CAST: variants seen among roughly 807,000 people sequenced by gnomAD.
CAST encodes calpastatin.
Under a neutral mutation model 119.6 loss-of-function variants are expected in CAST, and 76 were observed. The ratio of observed to expected loss-of-function variants is 0.64; its 90% CI spans 0.53 to 0.77. The LOEUF is 0.77. Among genes scored for constraint, CAST ranks in the 30% least tolerant of loss-of-function variants. The probability of loss-of-function intolerance (pLI) is 0.00; values close to 1 mark genes in which losing one functional copy is unlikely to be tolerated. For synonymous variants in CAST, 319 were observed against 331.6 expected (o/e 0.96, Z 0.41); for missense variants, 953 against 946.5 (o/e 1.01, Z -0.09).
At chr5:96,051,016 A>G in the CAST span, among the ~76,000 whole-genome samples, 1 of 152,248 alleles carries the variant, frequency 6.6e-6, no homozygotes, top group Non-Finnish European at 1.5e-5. Context: ...TTACACAGGT[A>G]TTACAAACAC....
chr5:96,303,931 G>T, the CAST span, among the ~76,000 whole-genome samples: 1 of 152,148 alleles, frequency 6.6e-6, no homozygotes, highest in Non-Finnish European at 1.5e-5. Context: ...AGTCTTTATA[G>T]TAGAATGATT....
the CAST span, among the ~76,000 whole-genome samples, chr5:96,022,108 G>A: frequency 5.9e-5 from 9 of 152,166 alleles, no homozygotes; most frequent in Non-Finnish European, 1.2e-4. Context: ...ACATATGGGA[G>A]GATGTACATA....
chr5:96,622,075 T>C (rs1477816359), intron 1 of CAST, among the ~76,000 whole-genome samples: 1 of 148,288 alleles, frequency 6.7e-6, no homozygotes, highest in Non-Finnish European at 1.5e-5. Flanking sequence ...GTTCAAGGGA[T>C]TCTTCTGCCT....
At chr5:96,492,133 T>A in the CAST span, among the ~76,000 whole-genome samples, 1 of 152,262 alleles carries the variant, frequency 6.6e-6, no homozygotes, top group Non-Finnish European at 1.5e-5. Context: ...TCTTTATGTA[T>A]GCATGCATGC....
the CAST span, among the ~76,000 whole-genome samples, chr5:96,436,471 T>G: frequency 6.6e-6 from 1 of 152,226 alleles, no homozygotes; most frequent in African/African-American, 2.4e-5. Context: ...ATCTGAAGTT[T>G]TATGCTTAAA....
the CAST span, among the ~76,000 whole-genome samples, chr5:96,154,495 T>A: frequency 2.0e-5 from 3 of 152,204 alleles, no homozygotes; most frequent in Admixed American, 6.5e-5. Flanking sequence ...ATTACTATGG[T>A]ACATTGGTCA....
intron 6 of CAST, chr5:96,728,680 T>G (rs1243784828): frequency 6.5e-6 from 1 of 153,086 alleles, no homozygotes; most frequent in East Asian, 1.9e-4. Context: ...GGTTTCACTG[T>G]GTTAGCCAGG....
chr5:96,618,784 C>T (rs748212714), intron 1 of CAST, among the ~76,000 whole-genome samples: 2 of 152,218 alleles, frequency 1.3e-5, no homozygotes, highest in Non-Finnish European at 2.9e-5. Context: ...CCACCATGCC[C>T]GAGCCTCCCC....
chr5:96,688,150 A>AT (rs1220646440), intron 2 of CAST, among the ~76,000 whole-genome samples: 4 of 151,978 alleles, frequency 2.6e-5, no homozygotes, highest in African/African-American at 7.3e-5. Flanking sequence ...CACATTGTTG[A>AT]TTTTTTCTTT....
the CAST span, among the ~76,000 whole-genome samples, chr5:96,270,064 A>C: frequency 6.6e-6 from 1 of 152,212 alleles, no homozygotes; most frequent in South Asian, 2.1e-4. Context: ...GATTTATTCC[A>C]GGGATGCAAG....
rs555492937 is a variant in CAST, at chr5:96,591,755, G to A, written c.60+61875G>A. On this transcript the variant is annotated intron_variant, in intron 1 of 11. Transcript: ENST00000505143. ...ATTTTCTTTTACACAGAAAAGCCTC[G>A]AAGTAATAAATAAGTCATTGGTGGA... Among the ~76,000 whole-genome samples the A allele has an allele frequency of 3.9e-5, 6 of 152,250 alleles. No homozygotes were observed. The South Asian group carries it at 6.2e-4, about 16-fold the overall frequency.
At chr5:96,474,630 G>A in the CAST span, among the ~76,000 whole-genome samples, 4 of 152,240 alleles carry the variant, frequency 2.6e-5, no homozygotes, top group African/African-American at 7.2e-5. Context: ...AGTGCAGTGG[G>A]GTGTCCAGGA....
intron 4 of CAST, among the ~76,000 whole-genome samples, chr5:96,723,484 T>C (rs903150048): frequency 1.3e-5 from 2 of 152,126 alleles, no homozygotes; most frequent in Admixed American, 1.3e-4. Flanking sequence ...TCCCAAGTTG[T>C]TTTTTCTGAA....
the CAST span, among the ~76,000 whole-genome samples, chr5:96,488,969 C>A: frequency 1.3e-5 from 2 of 152,178 alleles, no homozygotes; most frequent in African/African-American, 4.8e-5. Context: ...CCACAAAGGG[C>A]AACTTGGCTT....
chr5:96,497,979 G>GT, the CAST span, among the ~76,000 whole-genome samples: 1 of 152,138 alleles, frequency 6.6e-6, no homozygotes, highest in Non-Finnish European at 1.5e-5. Flanking sequence ...TTCTTCTAGG[G>GT]TTTTTATGAT....
chr5:96,193,990 T>C, the CAST span, among the ~76,000 whole-genome samples: 2 of 152,166 alleles, frequency 1.3e-5, no homozygotes, highest in African/African-American at 4.8e-5. Flanking sequence ...GTTGAGCAGG[T>C]TGACCAATCA....
chr5:95,993,990 G>C, the CAST span, among the ~76,000 whole-genome samples: 1 of 151,892 alleles, frequency 6.6e-6, no homozygotes, highest in Non-Finnish European at 1.5e-5. Flanking sequence ...AAACTCACTA[G>C]AATGGCTAAA....
At chr5:96,739,596 T>C (rs1762293760) in intron 11 of CAST, among the ~76,000 whole-genome samples, 1 of 152,230 alleles carries the variant, frequency 6.6e-6, no homozygotes. Context: ...TGGTGGCTAT[T>C]TCTGATTAAC....
At chr5:96,135,545 C>A in the CAST span, among the ~76,000 whole-genome samples, 1 of 152,046 alleles carries the variant, frequency 6.6e-6, no homozygotes, top group Non-Finnish European at 1.5e-5. Flanking sequence ...TAATATTAAC[C>A]AAACATTAGC....
Sources: gnomAD v4.1 joint callset for allele counts (sites outside exome capture counted in the v4.1 genomes callset) on GRCh38, gnomAD v4.1.1 for gene constraint, MANE v1.5 for transcripts, NCBI Gene and HGNC (gene_info 2026-07-23, HGNC 2026-07-21) for gene names.